Variants in MYO3B observed in about 807,000 individuals in gnomAD.
The protein encoded by MYO3B is myosin IIIB, also known as myosin-IIIb.
A neutral mutation model predicts 174.6 loss-of-function variants in MYO3B; 156 were observed. The ratio of observed to expected loss-of-function variants is 0.89; its 90% confidence interval spans 0.78 to 1.02. The LOEUF (loss-of-function observed/expected upper bound fraction) is 1.02. Among genes scored for constraint, MYO3B ranks in the 50% least tolerant of loss-of-function variants. The pLI is 0.00. For synonymous variants in MYO3B, 563 were observed against 569.1 expected, an observed-to-expected ratio of 0.99 and a Z score of 0.15; for missense variants, 1,632 against 1,639.4, an observed-to-expected ratio of 1.00 and a Z score of 0.08.
Position 170,653,277 on chromosome 2 carries a change from C to T in MYO3B, c.*156C>T. 2.4e-6 allele frequency: 2 copies of T among 828,022 alleles called. No individual in the cohort carries two copies. The highest frequency in any genetic ancestry group is 3.4e-5 in the South Asian group (2 of 59,036). 51.3% of individuals were successfully genotyped at this position (828,022 alleles called of 1,614,324 possible). On this transcript the variant is annotated 3_prime_UTR_variant, in exon 35 of 35. Coordinates refer to ENST00000408978, the MANE Select transcript of MYO3B (RefSeq NM_138995.5). ...GAACCACTTGCAGATTCCAAAACATCTTATCCTATCCTCTACCACTCTCCC... is the reference window on the plus strand; with the variant it reads ...GAACCACTTGCAGATTCCAAAACATTTTATCCTATCCTCTACCACTCTCCC...
chr2:170,373,759 G>A (rs2094266122), intron 9 of MYO3B, among the ~76,000 whole-genome samples: 1 of 151,528 alleles, frequency 6.6e-6, no homozygotes, highest in African/African-American at 2.4e-5. Flanking sequence ...GACACAGAAA[G>A]GTTAGATAAA....
chr2:170,272,735 A>G (rs1574693963), intron 7 of MYO3B, among the ~76,000 whole-genome samples: 2 of 152,312 alleles, frequency 1.3e-5, no homozygotes, highest in South Asian at 4.1e-4. Flanking sequence ...CTATTATTGT[A>G]AGAGTGAGTT....
intron 30 of MYO3B, among the ~76,000 whole-genome samples, chr2:170,541,532 G>C (rs1035657485): frequency 1.3e-5 from 2 of 152,138 alleles, no homozygotes; most frequent in African/African-American, 4.8e-5. Context: ...AAAGTACTTA[G>C]ACCAAATGGT....
chr2:170,400,554 G>A (rs1336842731), intron 17 of MYO3B, among the ~76,000 whole-genome samples: 1 of 151,876 alleles, frequency 6.6e-6, no homozygotes, highest in Non-Finnish European at 1.5e-5. Context: ...ACAGGCGCCT[G>A]CCACCACGCC....
At chr2:170,294,694 G>T (rs1276498959) in intron 7 of MYO3B, among the ~76,000 whole-genome samples, 1 of 152,084 alleles carries the variant, frequency 6.6e-6, no homozygotes. Context: ...AAACTACCCT[G>T]TATGATACTA....
chr2:170,407,952 C>A, intron 22 of MYO3B, 108 bp downstream of exon 22: 1 of 1,333,118 alleles, frequency 7.5e-7, no homozygotes, highest in Non-Finnish European at 1.0e-6. Context: ...TAACATTGAA[C>A]TTCTTTAAGC....
rs1699188927 is a variant in MYO3B at position 170,654,647 on chromosome 2, C to CCA, written c.*1526_*1527insCA. On this transcript the variant is annotated 3_prime_UTR_variant, in exon 35 of 35. Transcript: ENST00000408978. ...TGGGCGACAGGGCAAGACTCTGTCT[C>CCA]AAAAAAAAAAAAAAAAAAAAAAAAA... The CCA allele has an allele frequency of 2.2e-5, 1 of 46,270 alleles. No individual in the cohort carries two copies. The highest frequency in any genetic ancestry group is 7.2e-5 in the African/African-American group (1 of 13,828). The allele number at this position is 46,270 out of a possible 1,614,324, so 2.9% of individuals were successfully genotyped here. A position where few individuals can be genotyped will look rare whatever the true frequency, so the allele number is the denominator to read the frequency against.
intron 32 of MYO3B, among the ~76,000 whole-genome samples, chr2:170,608,596 C>T (rs1694957672): frequency 1.3e-5 from 2 of 150,024 alleles, no homozygotes; most frequent in South Asian, 4.2e-4. Flanking sequence ...CAACATCACC[C>T]AATAGGAAAA....
intron 32 of MYO3B, among the ~76,000 whole-genome samples, chr2:170,646,733 G>A (rs1427702287): frequency 6.6e-6 from 1 of 152,080 alleles, no homozygotes; most frequent in Non-Finnish European, 1.5e-5. Flanking sequence ...CAGGAGGCAG[G>A]GAACCTGTGG....
intron 7 of MYO3B, among the ~76,000 whole-genome samples, chr2:170,250,438 C>T (rs922858266): frequency 6.6e-6 from 1 of 152,160 alleles, no homozygotes; most frequent in Non-Finnish European, 1.5e-5. Flanking sequence ...ATTCCCTGAC[C>T]CCCATCACAG....
chr2:170,321,768 C>G (rs1342349355), intron 7 of MYO3B, among the ~76,000 whole-genome samples: 1 of 152,070 alleles, frequency 6.6e-6, no homozygotes, highest in African/African-American at 2.4e-5. Context: ...TGATACACTT[C>G]CCCAGTTTCT....
At chr2:170,549,476 C>G (rs1365650326) in intron 32 of MYO3B, among the ~76,000 whole-genome samples, 1 of 152,198 alleles carries the variant, frequency 6.6e-6, no homozygotes, top group East Asian at 1.9e-4. Context: ...AATCACACCA[C>G]TTTCTTTCAC....
intron 8 of MYO3B, chr2:170,343,682 G>C (rs1273978978): frequency 6.6e-6 from 1 of 152,236 alleles, no homozygotes; most frequent in African/African-American, 2.4e-5. Flanking sequence ...AGTTAAACAT[G>C]ACTCCAGTGT....
rs141649864 is a variant in MYO3B, at chr2:170,431,608, A to C, written c.2651-12359A>C. The stretch of plus-strand genomic sequence containing the variant: ...TAGTGTAAAGGTGTTAATTATGCAG[A>C]AATTCCTTAAAATGCCAGACAATTA... On this transcript the variant is annotated intron_variant, in intron 22 of 34. Coordinates refer to ENST00000408978, the MANE Select transcript of MYO3B (RefSeq NM_138995.5). Among the ~76,000 whole-genome samples the C allele has an allele frequency of 4.3e-3, 649 of 152,382 alleles. 4 individuals are homozygous for C. The highest frequency in any genetic ancestry group is 0.015 in the African/African-American group (634 of 41,592).
intron 7 of MYO3B, among the ~76,000 whole-genome samples, chr2:170,326,045 A>G (rs571593467): frequency 1.3e-5 from 2 of 152,242 alleles, no homozygotes; most frequent in African/African-American, 4.8e-5. Flanking sequence ...AGTGATTGAT[A>G]AGCACGGCAT....
rs536394230 is a variant in MYO3B at position 170,221,367 on chromosome 2, T to G, written c.603+3972T>G. Among the ~76,000 whole-genome samples the G allele has an allele frequency of 1.1e-4, 16 of 152,308 alleles. No individual in the cohort carries two copies. In the South Asian group the frequency reaches 2.5e-3, roughly 24 times the overall value. ...TTTTTTCCCTTTTTTATTTCCATTT[T>G]TATTCCACAAGCTTGAGTAAGTGTA... On this transcript the variant is annotated intron_variant, in intron 6 of 34. Coordinates refer to ENST00000408978, the MANE Select transcript of MYO3B (RefSeq NM_138995.5).
intron 7 of MYO3B, among the ~76,000 whole-genome samples, chr2:170,304,902 A>T (rs7561133): frequency 0.27 from 39,501 of 147,244 alleles, 6,688 homozygotes; most frequent in African/African-American, 0.47. Flanking sequence ...TTTAAGGTTT[A>T]TTTTTTTTTT....
chr2:170,618,203 A>G (rs1053731506), intron 32 of MYO3B, among the ~76,000 whole-genome samples: 2 of 152,232 alleles, frequency 1.3e-5, no homozygotes, highest in African/African-American at 4.8e-5. Flanking sequence ...AGAACCAGGC[A>G]TCCAAATACT....
rs775732058 is a variant in MYO3B, at chr2:170,199,271, T to A, written c.66T>A (p.Asp22Glu). 4.3e-6 allele frequency: 7 copies of A among 1,613,588 alleles called. No homozygotes were observed. The highest frequency in any genetic ancestry group is 5.9e-6 in the Non-Finnish European group (7 of 1,179,706). ...TGCTTGGACTTGAATCACTTCCAGA[T>A]CCCACAGACACCTGGGAAATTATAG... is the stretch of plus-strand genomic sequence containing the variant. ...PMMLGLESLP[D>E]PTDTWEIIET... The change falls in exon 2 of 35, where the codon GAT (aspartate) becomes GAA (glutamate). Residue 22 changes from aspartate to glutamate, a missense_variant. Asp to Glu is a conservative substitution (Grantham distance 45, BLOSUM62 2). Coordinates refer to ENST00000408978, the MANE Select transcript of MYO3B (RefSeq NM_138995.5).
Sources: allele counts gnomAD v4.1 joint callset (sites outside exome capture counted in the v4.1 genomes callset), GRCh38; gene constraint gnomAD v4.1.1; transcripts MANE v1.5; gene names NCBI Gene and HGNC (gene_info 2026-07-23, HGNC 2026-07-21).